CNGA1: variants seen among roughly 807,000 people sequenced by gnomAD.
The protein encoded by CNGA1 is cyclic nucleotide gated channel subunit alpha 1.
A neutral mutation model predicts 69.7 loss-of-function variants in CNGA1; 53 were observed. The ratio of observed to expected loss-of-function variants is 0.76; its 90% confidence interval spans 0.61 to 0.96. The LOEUF (loss-of-function observed/expected upper bound fraction) is 0.96, where lower values mean the gene tolerates loss of function less well. Ranked by LOEUF, CNGA1 falls within the 40% of genes least tolerant of loss-of-function variation. The pLI, the probability that CNGA1 is intolerant of heterozygous loss-of-function variation, is 0.00. For synonymous variants in CNGA1, 249 were observed against 283.5 expected, an observed-to-expected ratio of 0.88 and a Z score of 1.22; for missense variants, 739 against 811.2, an observed-to-expected ratio of 0.91 and a Z score of 1.08.
chr4:47,980,779 C>G (rs1209504378), intron 3 of CNGA1, among the ~76,000 whole-genome samples: 1 of 151,816 alleles, frequency 6.6e-6, no homozygotes, highest in African/African-American at 2.4e-5. Context: ...CAGCCAATAA[C>G]TGTTTTTTCT....
intron 2 of CNGA1, among the ~76,000 whole-genome samples, chr4:47,990,165 T>C (rs2661541): frequency 0.29 from 43,836 of 151,822 alleles, 6,978 homozygotes; most frequent in African/African-American, 0.43. Flanking sequence ...AGAATAACAG[T>C]GATTTTCAGG....
chr4:48,006,461 C>A (rs1004466956), intron 2 of CNGA1, among the ~76,000 whole-genome samples: 1 of 151,984 alleles, frequency 6.6e-6, no homozygotes, highest in Non-Finnish European at 1.5e-5. Context: ...AGAATACATA[C>A]CAATAACATT....
rs17573673 is a variant in CNGA1 at position 47,936,862 on chromosome 4, G to A, written c.1620C>T (p.Phe540=). The A allele has an allele frequency of 0.078, 125,842 of 1,613,988 alleles. 5,539 individuals are homozygous for A. Among genetic ancestry groups the A allele is most frequent in the South Asian group, 0.088 (7,976 of 91,076 alleles). ...TAATGTTAAGAATGCTGATCTCACC[G>A]AAGTAGCTGCCATCGCTCAATACCA... ...QFVVLSDGSY[F]GEISILNIKG... Residue 540 remains phenylalanine (F), a synonymous_variant, in exon 11 of 11, where the codon TTC becomes TTT. Transcript: ENST00000514170.
intron 8 of CNGA1, 160 bp downstream of exon 8, chr4:47,943,021 T>C (rs1399724301): frequency 8.6e-6 from 5 of 581,870 alleles, no homozygotes; most frequent in Admixed American, 2.8e-5. Flanking sequence ...CTTCTGATAA[T>C]TTATGTTAAA....
intron 2 of CNGA1, among the ~76,000 whole-genome samples, chr4:48,002,528 G>C (rs893253312): frequency 2.6e-5 from 4 of 151,836 alleles, no homozygotes; most frequent in Non-Finnish European, 4.4e-5. Context: ...TGGGGGAAGG[G>C]AGGGGGTGGC....
intron 3 of CNGA1, among the ~76,000 whole-genome samples, chr4:47,962,321 G>C (rs891691012): frequency 6.9e-6 from 1 of 145,710 alleles, no homozygotes; most frequent in Non-Finnish European, 1.5e-5. Context: ...CTCCAGCCTG[G>C]CAACAGAGCG....
At chr4:47,958,509 C>T (rs953682356) in intron 3 of CNGA1, among the ~76,000 whole-genome samples, 12 of 152,038 alleles carry the variant, frequency 7.9e-5, no homozygotes, top group South Asian at 4.2e-4. Flanking sequence ...CTAATCCCAG[C>T]TACTTGGGAG....
intron 1 of CNGA1, among the ~76,000 whole-genome samples, chr4:48,011,566 C>A (rs968126908): frequency 1.1e-4 from 16 of 152,080 alleles, no homozygotes; most frequent in Non-Finnish European, 4.4e-5. Flanking sequence ...TTATTCTGAG[C>A]CAAATATGAC....
At chr4:47,994,254 G>A (rs913490401) in intron 2 of CNGA1, among the ~76,000 whole-genome samples, 1 of 152,104 alleles carries the variant, frequency 6.6e-6, no homozygotes, top group African/African-American at 2.4e-5. Flanking sequence ...TTGATGACCT[G>A]TCTAGTGCTG....
At chr4:47,944,960 A>G (rs772785495) in intron 6 of CNGA1, among the ~76,000 whole-genome samples, 2 of 152,210 alleles carry the variant, frequency 1.3e-5, no homozygotes, top group Non-Finnish European at 2.9e-5. Context: ...TAGTATTCCT[A>G]GACAGATGGG....
chr4:48,005,080 C>T (rs911084061), intron 2 of CNGA1, among the ~76,000 whole-genome samples: 3 of 151,122 alleles, frequency 2.0e-5, no homozygotes, highest in African/African-American at 4.9e-5. Flanking sequence ...AAAGACAAAT[C>T]GTGGTTGGAC....
intron 2 of CNGA1, among the ~76,000 whole-genome samples, chr4:47,988,138 TTGA>T (rs1742067680): frequency 6.6e-6 from 1 of 152,094 alleles, no homozygotes; most frequent in South Asian, 2.1e-4. Context: ...GATTTGGTGA[TTGA>T]TTGTTTGTGG....
chr4:47,951,435 A>G lies in CNGA1; in HGVS notation c.142T>C (p.Ser48Pro). The G allele has an allele frequency of 6.2e-7, 1 of 1,613,596 alleles. No homozygotes were observed. The highest frequency in any genetic ancestry group is 8.5e-7 in the Non-Finnish European group (1 of 1,179,566). ...GGGTTTTCATTCTCTGATTCTTCAG[A>G]TGTAGAGGCACTGTCATCATCCTCA... ...FSEDDDSAST[S>P]EESENENPHA... Residue 48 changes from serine (S) to proline (P), a missense_variant, in exon 5 of 11, where the codon TCT (serine) becomes CCT (proline). Ser to Pro is a moderately conservative substitution (Grantham distance 74, BLOSUM62 -1). Transcript: ENST00000514170.
chr4:47,977,609 C>T (rs1741481595), intron 3 of CNGA1, among the ~76,000 whole-genome samples: 1 of 152,032 alleles, frequency 6.6e-6, no homozygotes, highest in South Asian at 2.1e-4. Context: ...CAGTGTCTCT[C>T]CCCCAGACTT....
At chr4:47,943,895 G>A (rs1384906028) in intron 6 of CNGA1, among the ~76,000 whole-genome samples, 1 of 152,120 alleles carries the variant, frequency 6.6e-6, no homozygotes, top group African/African-American at 2.4e-5. Context: ...GTAATATGGT[G>A]GAATCTCAGT....
At chr4:48,002,303 G>GA (rs1387714703) in intron 2 of CNGA1, among the ~76,000 whole-genome samples, 1 of 152,112 alleles carries the variant, frequency 6.6e-6, no homozygotes. Context: ...GACTGATTGA[G>GA]AAAAAGATTA....
intron 4 of CNGA1, among the ~76,000 whole-genome samples, chr4:47,951,773 G>A (rs1444812907): frequency 6.6e-6 from 1 of 152,122 alleles, no homozygotes; most frequent in Non-Finnish European, 1.5e-5. Flanking sequence ...TGATATCTGG[G>A]ACTTAGATCA....
Position 47,943,372 on chromosome 4 carries a change from T to C in CNGA1, c.328A>G (p.Ser110Gly), listed in dbSNP as rs952618231. The C allele has an allele frequency of 1.6e-5, 24 of 1,523,676 alleles. No homozygotes were observed. Among genetic ancestry groups the C allele is most frequent in the Non-Finnish European group, 2.0e-5 (23 of 1,134,762 alleles). 94.4% of individuals were successfully genotyped at this position (1,523,676 alleles called of 1,614,324 possible). ...EKKKKKKEKK[S>G]KSDDKNENKN... Reference sequence around the variant, plus strand: ...GGGTAATTCTTGCCAAAGTCTTACCTCTTCTTTTCTTTTTTCTTTTTCTTT... The same window carrying C: ...GGGTAATTCTTGCCAAAGTCTTACCCCTTCTTTTCTTTTTTCTTTTTCTTT... The change falls in exon 7 of 11, where the codon AGC becomes GGC. Residue 110 changes from serine to glycine, a missense_variant and splice_region_variant. Coordinates refer to ENST00000514170, the MANE Select transcript of CNGA1 (RefSeq NM_001379270.1).
intron 3 of CNGA1, among the ~76,000 whole-genome samples, chr4:47,963,468 C>T (rs1330237709): frequency 2.0e-5 from 3 of 152,172 alleles, no homozygotes; most frequent in African/African-American, 7.2e-5. Flanking sequence ...GTGGGAACTT[C>T]CTGCCTTATG....
Sources: allele counts gnomAD v4.1 joint callset (sites outside exome capture counted in the v4.1 genomes callset), GRCh38; gene constraint gnomAD v4.1.1; transcripts MANE v1.5; gene names NCBI Gene and HGNC (gene_info 2026-07-23, HGNC 2026-07-21).